CLASP1: variants seen among roughly 807,000 people sequenced by gnomAD.
CLASP1 encodes the protein CLIP-associating protein 1.
CLASP1 carries 38 observed loss-of-function variants against 192.3 expected under a neutral mutation model. That is an observed-to-expected ratio of 0.20 (90% CI 0.15 to 0.26). The LOEUF is 0.26. Ranked by LOEUF, CLASP1 falls within the 10% of genes least tolerant of loss-of-function variation. The probability of loss-of-function intolerance (pLI) is 1.00; values close to 1 mark genes in which losing one functional copy is unlikely to be tolerated. For synonymous variants in CLASP1, 691 were observed against 712.8 expected (o/e 0.97, Z 0.49); for missense variants, 1,433 against 1,932.5 (o/e 0.74, Z 4.85).
chr2:121,433,516 A>G (rs113328825), intron 19 of CLASP1, among the ~76,000 whole-genome samples: 6,043 of 152,242 alleles, frequency 0.04, 159 homozygotes, highest in East Asian at 0.14. Flanking sequence ...GCACTTTGGG[A>G]GGCTGAGGTG....
intron 34 of CLASP1, among the ~76,000 whole-genome samples, chr2:121,370,322 G>C (rs138237759): frequency 5.9e-4 from 89 of 152,116 alleles, no homozygotes; most frequent in South Asian, 1.2e-3. Context: ...TCCATTCTTC[G>C]ATTTTCTTTC....
At chr2:121,567,257 C>T (rs2059588179) in intron 2 of CLASP1, among the ~76,000 whole-genome samples, 1 of 152,210 alleles carries the variant, frequency 6.6e-6, no homozygotes, top group Admixed American at 6.5e-5. Flanking sequence ...CAGGCACTGT[C>T]CTGTCCTGAT....
chr2:121,436,414 C>CTT (rs753052497), intron 19 of CLASP1, among the ~76,000 whole-genome samples: 8 of 134,078 alleles, frequency 6.0e-5, no homozygotes, highest in East Asian at 2.2e-4. Context: ...GCTTTAGTGT[C>CTT]TTTTTTTTTT....
At position 121,538,648 on chromosome 2, in the gene CLASP1, T is replaced by G. The variant is rs913122230; in HGVS notation, c.196-8323A>C. 4.6e-5 allele frequency among the ~76,000 whole-genome samples: 7 copies of G among 151,550 alleles called. No homozygotes were observed. The South Asian group carries it at 6.2e-4, about 14-fold the overall frequency. ...TAAAGATACAAAAATTACCCAGGCA[T>G]GGCAGTGGGCACCTGTAATCCCAGC... On this transcript the variant is annotated intron_variant, in intron 2 of 39. Coordinates refer to ENST00000263710, the Ensembl canonical transcript of CLASP1.
chr2:121,555,856 G>T (rs2058500781), intron 2 of CLASP1, among the ~76,000 whole-genome samples: 2 of 151,872 alleles, frequency 1.3e-5, no homozygotes, highest in South Asian at 4.2e-4. Context: ...TAATTTTTTT[G>T]TATTTTTAGT....
At chr2:121,620,042 C>T (rs536484719) in intron 1 of CLASP1, among the ~76,000 whole-genome samples, 126 of 151,932 alleles carry the variant, frequency 8.3e-4, no homozygotes, top group African/African-American at 2.9e-3. Flanking sequence ...GCCAACATAG[C>T]GAAACCCCAT....
chr2:121,370,275 G>T (rs2068342776), intron 34 of CLASP1, among the ~76,000 whole-genome samples: 1 of 152,148 alleles, frequency 6.6e-6, no homozygotes, highest in Non-Finnish European at 1.5e-5. Flanking sequence ...CTAAACATAT[G>T]GTAAGTGGTG....
In CLASP1 at chr2:121,412,472, GT is replaced by G. The variant is rs199794854; in HGVS notation, c.2321-1504del. Among the ~76,000 whole-genome samples, 690 of 148,434 alleles carry G rather than the reference GT, an allele frequency of 4.6e-3. 2 individuals are homozygous for G. The highest frequency in any genetic ancestry group is 0.014 in the Middle Eastern group (4 of 282). On this transcript the variant is annotated intron_variant, in intron 23 of 39. Coordinates refer to ENST00000263710, the Ensembl canonical transcript of CLASP1. ...AGTTTTACAGATGATCTTTGTTCAA[GT>G]TTTTTTTTTCATTAAAAAAGGGTAG...
chr2:121,530,870 T>G (rs753399436), intron 2 of CLASP1: 14 of 678,946 alleles, frequency 2.1e-5, no homozygotes, highest in African/African-American at 1.1e-4. Context: ...GCCCAGGGAC[T>G]TTCTATTATA....
intron 37 of CLASP1, 129 bp downstream of exon 38, chr2:121,363,043 T>A: frequency 8.5e-7 from 1 of 1,181,564 alleles, no homozygotes; most frequent in Non-Finnish European, 1.2e-6. Context: ...CCACTCTGTA[T>A]TACGACATGG....
At chr2:121,633,286 A>G (rs2070154619) in intron 1 of CLASP1, among the ~76,000 whole-genome samples, 1 of 152,158 alleles carries the variant, frequency 6.6e-6, no homozygotes, top group African/African-American at 2.4e-5. Context: ...AAAAAGAGAT[A>G]CAAGTATATC....
chr2:121,412,138 T>C (rs1185698818), intron 23 of CLASP1, among the ~76,000 whole-genome samples: 2 of 152,182 alleles, frequency 1.3e-5, no homozygotes, highest in Non-Finnish European at 2.9e-5. Context: ...AAAAAGTGAA[T>C]TGTTATTTAG....
chr2:121,377,745 A>G, intron 33 of CLASP1, 96 bp from the exon 35 acceptor site: 2 of 863,990 alleles, frequency 2.3e-6, no homozygotes, highest in Non-Finnish European at 3.4e-6. Context: ...AGAATAAGAC[A>G]TATTTATAGT....
At chr2:121,389,041 T>G (rs2073863035) in intron 30 of CLASP1, among the ~76,000 whole-genome samples, 1 of 152,154 alleles carries the variant, frequency 6.6e-6, no homozygotes. Flanking sequence ...TAGGACAAAA[T>G]TACTATTTTG....
At chr2:121,572,415 G>A (rs534789455) in intron 2 of CLASP1, among the ~76,000 whole-genome samples, 10 of 152,230 alleles carry the variant, frequency 6.6e-5, no homozygotes, top group South Asian at 4.1e-4. Context: ...GCAGCAGAGC[G>A]AGACTCCTTC....
intron 6 of CLASP1, among the ~76,000 whole-genome samples, chr2:121,517,858 CTTTTTTTTTTTTTTTTTTTTTT>C (rs70954553): frequency 9.7e-5 from 3 of 30,820 alleles, no homozygotes; most frequent in East Asian, 2.3e-3. Context: ...AAGACTCAAG[CTTTTTTTTTTTTTTTTTTTTTT>C]TTTTTTTTTT....
At chr2:121,488,213 T>C (rs2150130454) in intron 8 of CLASP1, among the ~76,000 whole-genome samples, 1 of 152,028 alleles carries the variant, frequency 6.6e-6, no homozygotes, top group East Asian at 1.9e-4. Context: ...TTAGAATACC[T>C]TTCCATATCT....
At chr2:121,626,839 C>T (rs970041946) in intron 1 of CLASP1, among the ~76,000 whole-genome samples, 2 of 152,126 alleles carry the variant, frequency 1.3e-5, no homozygotes, top group African/African-American at 2.4e-5. Flanking sequence ...TTTAGACACA[C>T]GTATCATTTA....
At chr2:121,534,527 C>A (rs567118316) in intron 2 of CLASP1, among the ~76,000 whole-genome samples, 48 of 152,230 alleles carry the variant, frequency 3.2e-4, no homozygotes, top group African/African-American at 9.9e-4. Flanking sequence ...TAAAAATTTT[C>A]TTTTGTTGTT....
Sources: allele counts gnomAD v4.1 joint callset (sites outside exome capture counted in the v4.1 genomes callset), GRCh38; gene constraint gnomAD v4.1.1; transcripts MANE v1.5; gene names NCBI Gene and HGNC (gene_info 2026-07-23, HGNC 2026-07-21).